The following SHISA9 variants were observed in gnomAD, a reference collection of about 807,000 sequenced individuals.
The protein encoded by SHISA9 is protein shisa-9.
SHISA9 carries 13 observed loss-of-function variants against 38.0 expected under a neutral mutation model. The observed-to-expected ratio is 0.34, with a 90% CI of 0.22 to 0.54. The LOEUF is 0.54. SHISA9 is among the 20% of genes least tolerant of loss of function. The pLI, the probability that SHISA9 is intolerant of heterozygous loss-of-function variation, is 0.91. For missense variants in SHISA9, 538 were observed against 575.8 expected (o/e 0.93, Z 0.67); for synonymous variants, 275 against 242.0 (o/e 1.14, Z -1.27).
chr16:13,016,877 T>C lies in SHISA9; in HGVS notation c.691+100062T>C, dbSNP rs189722269. Among the ~76,000 whole-genome samples the C allele has an allele frequency of 1.4e-3, 214 of 152,314 alleles. 1 individual carries two copies. Among genetic ancestry groups the C allele is most frequent in the Admixed American group, 5.9e-3 (91 of 15,298 alleles). On this transcript the variant is annotated intron_variant, in intron 2 of 4. Transcript: ENST00000558583. ...AATATAGTCCCCAAGGAGGGCAATT[T>C]TGTCCTTGTGAGCATTCCACGATAT...
At chr16:13,442,480 GTAT>G in the SHISA9 span, among the ~76,000 whole-genome samples, 1 of 152,068 alleles carries the variant, frequency 6.6e-6, no homozygotes, top group South Asian at 2.1e-4. Context: ...GCTAATTTTT[GTAT>G]TATTATTAGA....
At chr16:13,309,346 T>G in the SHISA9 span, among the ~76,000 whole-genome samples, 1 of 151,930 alleles carries the variant, frequency 6.6e-6, no homozygotes. Context: ...CCCTGGAACT[T>G]AAAATAAAAG....
chr16:13,180,786 A>G (rs566525702), intron 2 of SHISA9, among the ~76,000 whole-genome samples: 1 of 152,332 alleles, frequency 6.6e-6, no homozygotes, highest in South Asian at 2.1e-4. Flanking sequence ...AATCAGGATT[A>G]TCAACACTAC....
the SHISA9 span, among the ~76,000 whole-genome samples, chr16:13,510,389 G>A: frequency 6.6e-5 from 10 of 152,192 alleles, no homozygotes; most frequent in Non-Finnish European, 8.8e-5. Context: ...TAGTGGCTGA[G>A]CCGAGATTTG....
chr16:13,190,568 T>C (rs1448807412), intron 2 of SHISA9, among the ~76,000 whole-genome samples: 1 of 152,194 alleles, frequency 6.6e-6, no homozygotes, highest in Non-Finnish European at 1.5e-5. Context: ...TGGCCCTCTC[T>C]TGTGCTTGCG....
At chr16:13,165,035 C>T (rs1219109509) in intron 2 of SHISA9, among the ~76,000 whole-genome samples, 2 of 152,080 alleles carry the variant, frequency 1.3e-5, no homozygotes, top group Non-Finnish European at 2.9e-5. Context: ...TGGTTTTCAG[C>T]AATTTAGTTA....
intron 1 of SHISA9, chr16:12,909,204 T>C: frequency 1.0e-6 from 1 of 985,830 alleles, no homozygotes; most frequent in Non-Finnish European, 1.2e-6. Flanking sequence ...GTCCTTGCAT[T>C]TTAAAAATCA....
At chr16:12,909,667 C>T (rs1248328363) in intron 1 of SHISA9, 2 of 938,408 alleles carry the variant, frequency 2.1e-6, no homozygotes, top group Non-Finnish European at 2.5e-6. Context: ...TCTGAGAAGC[C>T]GTCCCTGACC....
chr16:13,024,825 C>T (rs1321591020), intron 2 of SHISA9, among the ~76,000 whole-genome samples: 5 of 152,112 alleles, frequency 3.3e-5, no homozygotes, highest in Non-Finnish European at 5.9e-5. Context: ...ATCTGCAGGT[C>T]CCTGTGATAC....
chr16:13,224,369 A>T (rs1303354214), intron 4 of SHISA9, among the ~76,000 whole-genome samples: 1 of 152,236 alleles, frequency 6.6e-6, no homozygotes, highest in Admixed American at 6.5e-5. Flanking sequence ...CCTGTCTGCG[A>T]CATAAAAGCA....
intron 2 of SHISA9, among the ~76,000 whole-genome samples, chr16:12,934,023 G>C (rs200747898): frequency 1.3e-5 from 2 of 152,184 alleles, no homozygotes; most frequent in South Asian, 2.1e-4. Context: ...AGTGAAGAGT[G>C]GGGGGAAAGG....
chr16:13,003,136 G>A (rs189981767), intron 2 of SHISA9, among the ~76,000 whole-genome samples: 1 of 152,326 alleles, frequency 6.6e-6, no homozygotes, highest in East Asian at 1.9e-4. Flanking sequence ...AGGCCAGTGT[G>A]GCTGACACAG....
chr16:13,144,373 A>G (rs2141998885), intron 2 of SHISA9, among the ~76,000 whole-genome samples: 1 of 152,020 alleles, frequency 6.6e-6, no homozygotes, highest in Non-Finnish European at 1.5e-5. Flanking sequence ...GGATGGTCTC[A>G]ATCTCTTGGC....
intron 2 of SHISA9, among the ~76,000 whole-genome samples, chr16:13,162,088 T>C (rs2050599845): frequency 6.6e-6 from 1 of 152,122 alleles, no homozygotes; most frequent in Admixed American, 6.5e-5. Context: ...TGGCTATTAA[T>C]AGAAGACAAG....
chr16:13,357,282 C>T, the SHISA9 span, among the ~76,000 whole-genome samples: 3 of 152,262 alleles, frequency 2.0e-5, no homozygotes, highest in East Asian at 5.8e-4. Context: ...ACGGATAAAA[C>T]ATGTCTCTTT....
intron 2 of SHISA9, among the ~76,000 whole-genome samples, chr16:12,977,016 C>A (rs538185563): frequency 5.2e-4 from 79 of 152,218 alleles, no homozygotes; most frequent in Admixed American, 3.5e-3. Flanking sequence ...GGGAGCAGTG[C>A]GAGCAGAGAA....
intron 4 of SHISA9, among the ~76,000 whole-genome samples, chr16:13,221,253 G>A (rs116254554): frequency 1.7e-3 from 257 of 152,210 alleles, no homozygotes; most frequent in African/African-American, 5.5e-3. Flanking sequence ...AGCAAGGCCC[G>A]GAGGCAGGTG....
At chr16:13,198,921 CTTATA>C (rs2050976730) in intron 2 of SHISA9, among the ~76,000 whole-genome samples, 1 of 152,126 alleles carries the variant, frequency 6.6e-6, no homozygotes, top group Non-Finnish European at 1.5e-5. Context: ...GTTGTGTCTA[CTTATA>C]TTAAGTAACT....
At chr16:13,532,191 G>A in the SHISA9 span, among the ~76,000 whole-genome samples, 2 of 152,182 alleles carry the variant, frequency 1.3e-5, no homozygotes, top group African/African-American at 4.8e-5. Context: ...GGATGGAGGA[G>A]AAGTGAATGC....
Sources: allele counts gnomAD v4.1 joint callset (sites outside exome capture counted in the v4.1 genomes callset), GRCh38; gene constraint gnomAD v4.1.1; transcripts MANE v1.5; gene names NCBI Gene and HGNC (gene_info 2026-07-23, HGNC 2026-07-21).